Variants in TUBGCP6 observed in about 807,000 individuals in gnomAD.
TUBGCP6 encodes tubulin gamma complex component 6.
TUBGCP6 carries 161 observed loss-of-function variants against 175.8 expected under a neutral mutation model. The observed-to-expected ratio is 0.92, with a 90% confidence interval of 0.81 to 1.04. The LOEUF (loss-of-function observed/expected upper bound fraction) is 1.04, where lower values mean the gene tolerates loss of function less well. TUBGCP6 is among the 50% of genes least tolerant of loss of function. The probability of loss-of-function intolerance (pLI) is 0.00; values close to 1 mark genes in which losing one functional copy is unlikely to be tolerated. For synonymous variants in TUBGCP6, 1,173 were observed against 1,030.5 expected (o/e 1.14, Z -2.65); for missense variants, 2,572 against 2,433.0 (o/e 1.06, Z -1.20).
At chr22:50,226,402 TAG>T in intron 7 of TUBGCP6, 24 bp from the exon 8 acceptor site, 1 of 1,579,826 alleles carries the variant, frequency 6.3e-7, no homozygotes, top group Non-Finnish European at 8.6e-7. Context: ...AAAGCAGGGG[TAG>T]ATGTGGTCAA....
rs1056487647 is a variant in TUBGCP6 at position 50,227,971 on chromosome 22, T to A, written c.1348A>T (p.Thr450Ser). ...GTGAGGAGGCTCAGGGTGGGCGGAG[T>A]GGAAAGGACGCAGGCCCGGTAATAC... ...LQYYRACVLS[T>S]PPTLSLLTIG... Residue 450 changes from threonine (T) to serine (S), a missense_variant, in exon 5 of 25, where the codon ACT (threonine) becomes TCT (serine). Coordinates refer to ENST00000248846, the MANE Select transcript of TUBGCP6 (RefSeq NM_020461.4). 1.3e-6 allele frequency: 2 copies of A among 1,570,556 alleles called. No homozygotes were observed. The highest frequency in any genetic ancestry group is 1.7e-6 in the Non-Finnish European group (2 of 1,157,934).
chr22:50,224,336 T>A lies in TUBGCP6; in HGVS notation c.2150A>T (p.Gln717Leu), dbSNP rs1569114671. 1.2e-6 allele frequency: 2 copies of A among 1,614,252 alleles called. No homozygotes were observed. Among genetic ancestry groups the A allele is most frequent in the Admixed American group, 3.3e-5 (2 of 60,034 alleles). ...QRLKEQFVKD[Q>L]ERRQAARQEE... ...GCAGGGACAGGTCCTACCCACCTCC[T>A]GGTCCTTCACAAATTGTTCTTTCAG... is the stretch of plus-strand genomic sequence containing the variant. Residue 717 changes from glutamine (Q) to leucine (L), a missense_variant, in exon 12 of 25, where the codon CAG becomes CTG. Transcript: ENST00000248846.
intron 1 of TUBGCP6, among the ~76,000 whole-genome samples, chr22:50,242,261 G>T (rs972556348): frequency 1.3e-5 from 2 of 151,590 alleles, no homozygotes; most frequent in Non-Finnish European, 2.9e-5. Flanking sequence ...CACCGCACTC[G>T]AGCCTGGGCG....
At position 50,218,597 on chromosome 22, in the gene TUBGCP6, G is replaced by A. The variant is rs1327565221; in HGVS notation, c.4845C>T (p.Val1615=). 1.9e-6 allele frequency: 3 copies of A among 1,613,540 alleles called. No individual in the cohort carries two copies. Among genetic ancestry groups the A allele is most frequent in the African/African-American group, 1.3e-5 (1 of 74,882 alleles). The part of the protein sequence containing the change: ...RYKVDWPLNI[V]ITEGCVSKYS... ...ACTTGCTCACGCAGCCCTCGGTGAT[G>A]ACAATGTTGAGAGGCCAGTCCACCT... Residue 1615 remains valine, a synonymous_variant, in exon 22 of 25, where the codon GTC becomes GTT. Coordinates refer to ENST00000248846, the MANE Select transcript of TUBGCP6 (RefSeq NM_020461.4).
At chr22:50,235,473 C>T (rs761761842) in intron 2 of TUBGCP6, among the ~76,000 whole-genome samples, 7 of 152,244 alleles carry the variant, frequency 4.6e-5, no homozygotes, top group Admixed American at 6.5e-5. Flanking sequence ...AGCTCAGACA[C>T]GTGCTCCAGA....
chr22:50,222,710 T>C, intron 13 of TUBGCP6, 118 bp from the exon 14 acceptor site: 1 of 1,428,766 alleles, frequency 7.0e-7, no homozygotes, highest in Non-Finnish European at 9.4e-7. Flanking sequence ...CCCGCCCCCG[T>C]CTCCCCCTAC....
At position 50,218,879 on chromosome 22, in the gene TUBGCP6, G is replaced by A. The variant is rs2064465049; in HGVS notation, c.4645C>T (p.Pro1549Ser). 6.2e-7 allele frequency: 1 copy of A among 1,612,254 alleles called. No individual in the cohort carries two copies. Among genetic ancestry groups the A allele is most frequent in the South Asian group, 1.1e-5 (1 of 91,000 alleles). Reference sequence around the variant, plus strand: ...ACCAGCGGGTTGAGCAGCTCTCCGGGCGTTTGCCCAGCTCCAAGCTAGGCA... The same window carrying A: ...ACCAGCGGGTTGAGCAGCTCTCCGGACGTTTGCCCAGCTCCAAGCTAGGCA... ...LFEKLGAGQT[P>S]GELLNPLVLN... is the part of the protein sequence containing the mutation. Residue 1549 changes from proline to serine, a missense_variant, in exon 21 of 25, where the codon CCC becomes TCC. Coordinates refer to ENST00000248846, the MANE Select transcript of TUBGCP6 (RefSeq NM_020461.4).
chr22:50,244,614 G>C lies in TUBGCP6; in HGVS notation c.-155C>G. 1.1e-5 allele frequency: 14 copies of C among 1,293,780 alleles called. No homozygotes were observed. The highest frequency in any genetic ancestry group is 1.4e-5 in the Non-Finnish European group (14 of 971,818). The allele number at this position is 1,293,780 out of a possible 1,614,324, so 80.1% of individuals were successfully genotyped here. A position where few individuals can be genotyped will look rare whatever the true frequency, so the allele number is the denominator to read the frequency against. On this transcript the variant is annotated 5_prime_UTR_variant, in exon 1 of 25. Coordinates refer to ENST00000248846, the MANE Select transcript of TUBGCP6 (RefSeq NM_020461.4). ...AGCTCAGAACTGGTATTTTTTAAAG[G>C]AGGTCTTGCGGTTGCTCTACTCAGA...
intron 10 of TUBGCP6, among the ~76,000 whole-genome samples, chr22:50,225,326 C>T (rs964178798): frequency 1.6e-4 from 25 of 152,118 alleles, no homozygotes; most frequent in African/African-American, 6.0e-4. Flanking sequence ...CCACCGAGCC[C>T]CTCCCAGAAG....
chr22:50,218,413 G>C lies in TUBGCP6; in HGVS notation c.4955-11C>G. 3 of 1,612,792 alleles carry C rather than the reference G, an allele frequency of 1.9e-6. No individual in the cohort carries two copies. The highest frequency in any genetic ancestry group is 2.5e-6 in the Non-Finnish European group (3 of 1,179,832). ...TGTGGCTCAGCAGGGCTGGCGGAGG[G>C]CAGAAGGCAGAGGGCAGAGGTGAGC... On this transcript the variant is annotated splice_polypyrimidine_tract_variant and intron_variant, in intron 22 of 24. Coordinates refer to ENST00000248846, the MANE Select transcript of TUBGCP6 (RefSeq NM_020461.4).
At chr22:50,241,678 C>T (rs2064840285) in intron 1 of TUBGCP6, among the ~76,000 whole-genome samples, 1 of 152,188 alleles carries the variant, frequency 6.6e-6, no homozygotes, top group Non-Finnish European at 1.5e-5. Context: ...CTCTCTGCTT[C>T]GGCTGCCAAA....
intron 2 of TUBGCP6, 30 bp downstream of exon 2, chr22:50,240,174 C>G (rs1160624900): frequency 6.2e-7 from 1 of 1,612,400 alleles, no homozygotes; most frequent in Non-Finnish European, 8.5e-7. Flanking sequence ...GGTAGGGGCA[C>G]TGCATGCCAA....
chr22:50,240,379 G>A lies in TUBGCP6; in HGVS notation c.742-12C>T. 3 of 1,612,132 alleles carry A rather than the reference G, an allele frequency of 1.9e-6. No individual in the cohort carries two copies. The highest frequency in any genetic ancestry group is 2.5e-6 in the Non-Finnish European group (3 of 1,179,246). On this transcript the variant is annotated splice_polypyrimidine_tract_variant and intron_variant, in intron 1 of 24. Coordinates refer to ENST00000248846, the MANE Select transcript of TUBGCP6 (RefSeq NM_020461.4). ...ACACTCGGTGGGACCTGGAGACACAGGGAAGGGCAAACCGCCACTTATTGC... is the reference window on the plus strand; with the variant it reads ...ACACTCGGTGGGACCTGGAGACACAAGGAAGGGCAAACCGCCACTTATTGC...
chr22:50,219,791 C>T lies in TUBGCP6; in HGVS notation c.4168G>A (p.Glu1390Lys). ...GGGCTGCTCTGGGCAGCTGTGTCTT[C>T]CTAACAAAACACCAGCCTCAGAACC... ...LSPNWPLNSQ[E>K]DTAAQSSPGR... Residue 1390 changes from glutamate to lysine, a missense_variant and splice_region_variant, in exon 18 of 25, where the codon GAA (glutamate) becomes AAA (lysine). Transcript: ENST00000248846. 6.2e-7 allele frequency: 1 copy of T among 1,612,478 alleles called. No individual in the cohort carries two copies. The highest frequency in any genetic ancestry group is 2.2e-5 in the East Asian group (1 of 44,832).
At chr22:50,235,506 G>A (rs951813181) in intron 2 of TUBGCP6, among the ~76,000 whole-genome samples, 6 of 152,356 alleles carry the variant, frequency 3.9e-5, no homozygotes, top group African/African-American at 7.2e-5. Flanking sequence ...CAAGGACGCC[G>A]TGTGGAGTGC....
Position 50,226,207 on chromosome 22 carries a change from C to T in TUBGCP6, c.1694-18G>A. ...CAACTTATCTAAGGTAGGGTGAACACCACGGTGGCCGGCATGGCCATGGCC... is the reference window on the plus strand; with the variant it reads ...CAACTTATCTAAGGTAGGGTGAACATCACGGTGGCCGGCATGGCCATGGCC... On this transcript the variant is annotated intron_variant, in intron 8 of 24. Coordinates refer to ENST00000248846, the MANE Select transcript of TUBGCP6 (RefSeq NM_020461.4). The T allele has an allele frequency of 6.2e-7, 1 of 1,614,090 alleles. No individual in the cohort carries two copies. Among genetic ancestry groups the T allele is most frequent in the Non-Finnish European group, 8.5e-7 (1 of 1,180,010 alleles).
chr22:50,223,909 G>A lies in TUBGCP6; in HGVS notation c.2270+232C>T, dbSNP rs927852870. ...GGACCCCAAACAGTACGCAGGCCTCGCCTGGACCCTAATCCATACAAACCA... is the reference window on the plus strand; with the variant it reads ...GGACCCCAAACAGTACGCAGGCCTCACCTGGACCCTAATCCATACAAACCA... On this transcript the variant is annotated intron_variant, in intron 13 of 24. Transcript: ENST00000248846. 1.7e-4 allele frequency: 89 copies of A among 526,998 alleles called. 1 individual carries two copies. The highest frequency in any genetic ancestry group is 2.5e-4 in the Admixed American group (8 of 31,634). 32.6% of individuals were successfully genotyped at this position (526,998 alleles called of 1,614,324 possible). A position where few individuals can be genotyped will look rare whatever the true frequency, so the allele number is the denominator to read the frequency against.
chr22:50,240,384 G>C lies in TUBGCP6; in HGVS notation c.742-17C>G, dbSNP rs767808670. The C allele has an allele frequency of 2.2e-5, 36 of 1,611,082 alleles. No individual in the cohort carries two copies. ...CGGTGGGACCTGGAGACACAGGGAA[G>C]GGCAAACCGCCACTTATTGCTGTGT... On this transcript the variant is annotated splice_polypyrimidine_tract_variant and intron_variant, in intron 1 of 24. Transcript: ENST00000248846.
chr22:50,230,200 T>C (rs1286372609), intron 3 of TUBGCP6, among the ~76,000 whole-genome samples: 2 of 152,198 alleles, frequency 1.3e-5, no homozygotes, highest in African/African-American at 2.4e-5. Context: ...CCAAGCACAG[T>C]GGCTCACACC....
Sources: allele counts gnomAD v4.1 joint callset (sites outside exome capture counted in the v4.1 genomes callset), GRCh38; gene constraint gnomAD v4.1.1; transcripts MANE v1.5; gene names NCBI Gene and HGNC (gene_info 2026-07-23, HGNC 2026-07-21).